Variants in DAB1 observed in about 807,000 individuals in gnomAD.
DAB1 encodes disabled homolog 1.
DAB1 carries 15 observed loss-of-function variants against 64.6 expected under a neutral mutation model. The ratio of observed to expected loss-of-function variants is 0.23; its 90% CI spans 0.16 to 0.36. The LOEUF is 0.36. DAB1 is among the 10% of genes least tolerant of loss of function. The probability of loss-of-function intolerance (pLI) is 1.00; values close to 1 mark genes in which losing one functional copy is unlikely to be tolerated. For missense variants in DAB1, 596 were observed against 706.7 expected (o/e 0.84, Z 1.78); for synonymous variants, 235 against 251.9 (o/e 0.93, Z 0.64).
intron 3 of DAB1, chr1:58,415,584 C>T (rs1158195475): frequency 1.3e-5 from 2 of 158,520 alleles, no homozygotes; most frequent in African/African-American, 4.8e-5. Context: ...TTTCGAATAC[C>T]AAATACCCAC....
intron 1 of DAB1, among the ~76,000 whole-genome samples, chr1:57,838,494 G>A (rs778016969): frequency 2.6e-5 from 4 of 152,090 alleles, no homozygotes; most frequent in Non-Finnish European, 5.9e-5. Flanking sequence ...GATGTGGAAA[G>A]TATAGAAATA....
chr1:58,173,461 C>T (rs1347738055), intron 4 of DAB1, among the ~76,000 whole-genome samples: 2 of 152,124 alleles, frequency 1.3e-5, no homozygotes, highest in African/African-American at 4.8e-5. Context: ...TCACCCCGAA[C>T]CCCCTGCAGC....
rs148583445 is a variant in DAB1, at chr1:57,883,862, C to G, written n.87+137G>C. 15 of 152,256 alleles carry G rather than the reference C, an allele frequency of 9.9e-5. No homozygotes were observed. In the East Asian group the frequency reaches 2.9e-3, roughly 29 times the overall value. 9.4% of individuals were successfully genotyped at this position (152,256 alleles called of 1,614,324 possible). ...ATAATGAACCTTGGGTTATTAACTA[C>G]AGAGAGGCAGTTCCAGAAAGGAAGA... On this transcript the variant is annotated intron_variant and non_coding_transcript_variant, in intron 1 of 1. Coordinates refer to the DAB1 transcript ENST00000477280.
In DAB1 at chr1:57,669,195, A is replaced by C. The variant is rs150287982; in HGVS notation, n.552-19530T>G. ...CAATTCAATCTTGTCTCACTAGAAA[A>C]AGTGCTGAGAAAGAAAGATGAGACA... is the stretch of plus-strand genomic sequence containing the variant. On this transcript the variant is annotated intron_variant and non_coding_transcript_variant, in intron 6 of 20. Coordinates refer to the DAB1 transcript ENST00000485760. 1.5e-3 allele frequency among the ~76,000 whole-genome samples: 228 copies of C among 152,218 alleles called. 1 individual carries two copies. In the East Asian group the frequency reaches 0.026, roughly 18 times the overall value.
In DAB1 at chr1:58,157,436, T is replaced by C. The variant is rs1011837675; in HGVS notation, n.310-6848A>G. ...CCATGCTGAGGCCAGCGTGAGGAAA[T>C]GGTAATTGACAGCAGGCCCAGGCTT... is the stretch of plus-strand genomic sequence containing the variant. On this transcript the variant is annotated intron_variant and non_coding_transcript_variant, in intron 4 of 20. Transcript: ENST00000485760. Among the ~76,000 whole-genome samples the C allele has an allele frequency of 2.0e-5, 3 of 152,192 alleles. No individual in the cohort carries two copies. The East Asian group carries it at 5.8e-4, about 29-fold the overall frequency.
intron 2 of DAB1, among the ~76,000 whole-genome samples, chr1:58,513,689 T>C (rs1267336153): frequency 3.9e-5 from 6 of 152,238 alleles, no homozygotes; most frequent in Non-Finnish European, 8.8e-5. Flanking sequence ...CTGATTATTT[T>C]ATTTATTAAC....
chr1:57,018,457 C>A (rs1216774109), intron 11 of DAB1, among the ~76,000 whole-genome samples: 1 of 152,084 alleles, frequency 6.6e-6, no homozygotes, highest in Non-Finnish European at 1.5e-5. Context: ...TTCTTTCTGC[C>A]TTATACTACA....
chr1:58,044,968 G>C (rs937900271), intron 5 of DAB1, among the ~76,000 whole-genome samples: 16 of 152,188 alleles, frequency 1.1e-4, no homozygotes, highest in African/African-American at 3.1e-4. Flanking sequence ...ATAGCTAATA[G>C]AGGGATGCTA....
At chr1:57,607,038 C>T (rs1433857874) in intron 7 of DAB1, among the ~76,000 whole-genome samples, 5 of 117,866 alleles carry the variant, frequency 4.2e-5, no homozygotes, top group Non-Finnish European at 6.9e-5. Context: ...CCATCTGCCT[C>T]GGCCTCCCAA....
intron 5 of DAB1, among the ~76,000 whole-genome samples, chr1:58,113,453 A>G (rs1238177199): frequency 6.6e-6 from 1 of 152,168 alleles, no homozygotes; most frequent in African/African-American, 2.4e-5. Context: ...TCCAAGTTCC[A>G]GCTTTTCAGC....
At chr1:58,503,936 A>G (rs1557444176) in intron 3 of DAB1, among the ~76,000 whole-genome samples, 1 of 152,206 alleles carries the variant, frequency 6.6e-6, no homozygotes, top group Non-Finnish European at 1.5e-5. Context: ...AAATCCTGTC[A>G]TCACTCCTTT....
chr1:58,091,159 G>T (rs2100611633), intron 5 of DAB1, among the ~76,000 whole-genome samples: 1 of 152,290 alleles, frequency 6.6e-6, no homozygotes, highest in African/African-American at 2.4e-5. Flanking sequence ...AGTGGGAGAG[G>T]AGGTTGTTCT....
intron 5 of DAB1, among the ~76,000 whole-genome samples, chr1:57,943,576 G>A (rs962489638): frequency 1.1e-4 from 17 of 152,124 alleles, no homozygotes; most frequent in African/African-American, 4.1e-4. Context: ...TATGAGTACA[G>A]CCTATAGGAA....
chr1:57,317,392 A>G (rs1329580371), intron 1 of DAB1, among the ~76,000 whole-genome samples: 1 of 152,240 alleles, frequency 6.6e-6, no homozygotes, highest in Non-Finnish European at 1.5e-5. Context: ...TTAAACTGCT[A>G]CATGTTAGAG....
chr1:57,938,417 TG>T (rs1645057839), intron 5 of DAB1, among the ~76,000 whole-genome samples: 1 of 152,168 alleles, frequency 6.6e-6, no homozygotes, highest in Non-Finnish European at 1.5e-5. Flanking sequence ...GGAGACCTAG[TG>T]GGAGCTGATT....
chr1:57,311,578 G>A (rs1284481164), intron 1 of DAB1, among the ~76,000 whole-genome samples: 1 of 151,830 alleles, frequency 6.6e-6, no homozygotes. Context: ...GGGGAGGAAG[G>A]ACATTCAGTT....
intron 6 of DAB1, among the ~76,000 whole-genome samples, chr1:57,689,638 A>G (rs1481797431): frequency 6.6e-6 from 1 of 152,158 alleles, no homozygotes; most frequent in Non-Finnish European, 1.5e-5. Flanking sequence ...TTTTATGGGT[A>G]AACAGTAGGT....
At chr1:57,555,573 A>ATCAGCAC (rs1644978918) in intron 7 of DAB1, among the ~76,000 whole-genome samples, 1 of 152,142 alleles carries the variant, frequency 6.6e-6, no homozygotes. Context: ...CTAATCAGCA[A>ATCAGCAC]TGGTCATTTA....
rs113613827 is a variant in DAB1, at chr1:57,199,843, G to C, written c.68-54414C>G. ...CAGGACTTAACAGGATGGTTTTAAG[G>C]AGTAAGTAACACAAATGCACTTGGA... On this transcript the variant is annotated intron_variant, in intron 2 of 14. Coordinates refer to ENST00000371236, the MANE Select transcript of DAB1 (RefSeq NM_001365792.1). 9.2e-3 allele frequency among the ~76,000 whole-genome samples: 1,404 copies of C among 152,156 alleles called. 26 individuals are homozygous for C. The highest frequency in any genetic ancestry group is 0.031 in the African/African-American group (1,287 of 41,496).
Sources: allele counts gnomAD v4.1 joint callset (sites outside exome capture counted in the v4.1 genomes callset), GRCh38; gene constraint gnomAD v4.1.1; transcripts MANE v1.5; gene names NCBI Gene and HGNC (gene_info 2026-07-23, HGNC 2026-07-21).